KLHL29: variants seen among roughly 807,000 people sequenced by gnomAD.
KLHL29 encodes the protein kelch like family member 29.
KLHL29 carries 21 observed loss-of-function variants against 80.4 expected under a neutral mutation model. The ratio of observed to expected loss-of-function variants is 0.26; its 90% CI spans 0.19 to 0.38. The LOEUF (loss-of-function observed/expected upper bound fraction) is 0.38, where lower values mean the gene tolerates loss of function less well. KLHL29 is among the 10% of genes least tolerant of loss of function. The pLI is 1.00. For synonymous variants in KLHL29, 511 were observed against 526.8 expected (o/e 0.97, Z 0.41); for missense variants, 867 against 1,223.9 (o/e 0.71, Z 4.35).
chr2:23,419,367 C>A (rs1662714136), intron 1 of KLHL29, among the ~76,000 whole-genome samples: 1 of 152,100 alleles, frequency 6.6e-6, no homozygotes. Flanking sequence ...TGGCGCTCCC[C>A]AGGCTGGAGG....
intron 2 of KLHL29, among the ~76,000 whole-genome samples, chr2:23,494,595 C>A (rs1665202639): frequency 1.3e-5 from 2 of 152,188 alleles, no homozygotes; most frequent in South Asian, 4.1e-4. Flanking sequence ...ACTGCAGGGA[C>A]CTTCATGCAA....
intron 1 of KLHL29, among the ~76,000 whole-genome samples, chr2:23,386,627 G>A (rs921050371): frequency 6.6e-6 from 1 of 152,066 alleles, no homozygotes; most frequent in Non-Finnish European, 1.5e-5. Context: ...GCCTCGGGGG[G>A]CCGGGGGAGC....
chr2:23,641,015 C>T (rs899918213), intron 4 of KLHL29, among the ~76,000 whole-genome samples: 1 of 152,142 alleles, frequency 6.6e-6, no homozygotes, highest in African/African-American at 2.4e-5. Flanking sequence ...CCCCCTGCCC[C>T]CTACTCCCCT....
intron 2 of KLHL29, among the ~76,000 whole-genome samples, chr2:23,537,881 G>A (rs1666720193): frequency 6.6e-6 from 1 of 152,166 alleles, no homozygotes; most frequent in African/African-American, 2.4e-5. Flanking sequence ...TGTGTCCAAA[G>A]GGTGGCAGGA....
chr2:23,596,187 C>T lies in KLHL29; in HGVS notation c.285+33706C>T, dbSNP rs946913014. On this transcript the variant is annotated intron_variant, in intron 3 of 13. Coordinates refer to ENST00000486442, the MANE Select transcript of KLHL29 (RefSeq NM_052920.2). This position sits in a 1 kb window ranked among gnomAD's most constrained non-coding sequence, Gnocchi z 4.4. ...CCGGACGGGCAGGCCGGGGGCGGGG[C>T]AGGGCAACAGCCTTGTACCCTGCTG... is the stretch of plus-strand genomic sequence containing the variant. Among the ~76,000 whole-genome samples the T allele has an allele frequency of 1.3e-5, 2 of 152,334 alleles. No homozygotes were observed. Among genetic ancestry groups the T allele is most frequent in the East Asian group, 1.9e-4 (1 of 5,184 alleles).
intron 1 of KLHL29, among the ~76,000 whole-genome samples, chr2:23,459,669 C>T (rs1664158787): frequency 6.6e-6 from 1 of 152,208 alleles, no homozygotes; most frequent in Non-Finnish European, 1.5e-5. Context: ...TGCCCAGTGA[C>T]CATTCTGACT....
At chr2:23,660,543 C>A (rs1274959314) in intron 5 of KLHL29, among the ~76,000 whole-genome samples, 1 of 152,254 alleles carries the variant, frequency 6.6e-6, no homozygotes, top group Non-Finnish European at 1.5e-5. Flanking sequence ...GGAAGGGGAA[C>A]ACTCTGTCCC....
chr2:23,564,268 G>C lies in KLHL29; in HGVS notation c.285+1787G>C, dbSNP rs368855300. 5.3e-5 allele frequency among the ~76,000 whole-genome samples: 8 copies of C among 152,336 alleles called. No individual in the cohort carries two copies. The East Asian group carries it at 1.5e-3, about 29-fold the overall frequency. ...CTCCCGCTTTGCTCCAGAGTGGCTT[G>C]ATATTCACCATCCTTGACTGGCCTG... is the stretch of plus-strand genomic sequence containing the variant. On this transcript the variant is annotated intron_variant, in intron 3 of 13. Transcript: ENST00000486442.
chr2:23,445,408 A>G (rs995339073), intron 1 of KLHL29, among the ~76,000 whole-genome samples: 1 of 152,186 alleles, frequency 6.6e-6, no homozygotes, highest in Non-Finnish European at 1.5e-5. Flanking sequence ...CCGCTTTTTA[A>G]TATAGCCTTG....
intron 3 of KLHL29, among the ~76,000 whole-genome samples, chr2:23,581,592 G>A (rs184128101): frequency 4.9e-4 from 75 of 152,168 alleles, no homozygotes; most frequent in African/African-American, 1.4e-3. Flanking sequence ...TTGGGAGGCC[G>A]AGGTGGGCGG....
intron 5 of KLHL29, among the ~76,000 whole-genome samples, chr2:23,656,886 G>A (rs978608102): frequency 2.7e-5 from 4 of 150,836 alleles, no homozygotes; most frequent in African/African-American, 7.3e-5. Flanking sequence ...GTGTTTCATC[G>A]GTTTGGAACA....
chr2:23,417,540 A>G (rs551930903), intron 1 of KLHL29, among the ~76,000 whole-genome samples: 6 of 152,310 alleles, frequency 3.9e-5, no homozygotes, highest in Admixed American at 1.3e-4. Flanking sequence ...CGCGATCCCC[A>G]CTTTCCTGAT....
chr2:23,527,738 A>G (rs1193930574), intron 2 of KLHL29, among the ~76,000 whole-genome samples: 1 of 152,344 alleles, frequency 6.6e-6, no homozygotes, highest in Admixed American at 6.5e-5. Context: ...AGGTGAGGAA[A>G]CTGAGGGCCA....
chr2:23,576,219 C>T (rs1291266946), intron 3 of KLHL29, among the ~76,000 whole-genome samples: 6 of 150,828 alleles, frequency 4.0e-5, no homozygotes, highest in South Asian at 2.1e-4. Flanking sequence ...GCAGGAGAAT[C>T]GCTTGAACCC....
At chr2:23,507,637 C>G (rs1278360603) in intron 2 of KLHL29, among the ~76,000 whole-genome samples, 2 of 152,202 alleles carry the variant, frequency 1.3e-5, no homozygotes, top group Non-Finnish European at 2.9e-5. Context: ...TCCCTTGACT[C>G]AAGCCTAGAT....
chr2:23,525,638 C>A (rs908960755), intron 2 of KLHL29, among the ~76,000 whole-genome samples: 1 of 152,084 alleles, frequency 6.6e-6, no homozygotes, highest in African/African-American at 2.4e-5. Flanking sequence ...CGGCGAGGGG[C>A]CTGGTTTTGC....
intron 2 of KLHL29, among the ~76,000 whole-genome samples, chr2:23,514,553 A>C (rs1572369319): frequency 6.6e-6 from 1 of 152,150 alleles, no homozygotes; most frequent in African/African-American, 2.4e-5. Context: ...AGCAGCAGGG[A>C]TCTAGGAACA....
rs1393428565 is a variant in KLHL29, at chr2:23,706,830, C to T, written c.*166C>T. ...TCTACATTGAATGTAGAAAATCATC[C>T]TCGCCTTTGGATGAAACGGAGGCAC... is the stretch of plus-strand genomic sequence containing the variant. On this transcript the variant is annotated 3_prime_UTR_variant, in exon 14 of 14. Transcript: ENST00000486442. 1 of 554,942 alleles carries T rather than the reference C, an allele frequency of 1.8e-6. No individual in the cohort carries two copies. Among genetic ancestry groups the T allele is most frequent in the Non-Finnish European group, 3.0e-6 (1 of 335,720 alleles). 34.4% of individuals were successfully genotyped at this position (554,942 alleles called of 1,614,324 possible). A position where few individuals can be genotyped will look rare whatever the true frequency, so the allele number is the denominator to read the frequency against.
intron 2 of KLHL29, among the ~76,000 whole-genome samples, chr2:23,526,218 G>A (rs367687417): frequency 5.3e-5 from 8 of 152,286 alleles, no homozygotes; most frequent in East Asian, 1.9e-4. Flanking sequence ...GGATGCCCAC[G>A]TGCAGTCGTG....
Sources: gnomAD v4.1 joint callset for allele counts (sites outside exome capture counted in the v4.1 genomes callset) on GRCh38, gnomAD v4.1.1 for gene constraint, Gnocchi (gnomAD v3.1) non-coding constraint, MANE v1.5 for transcripts, NCBI Gene and HGNC (gene_info 2026-07-23, HGNC 2026-07-21) for gene names.